The following FBXO4 variants were observed in gnomAD, a reference collection of about 807,000 sequenced individuals.
FBXO4 encodes the protein F-box only protein 4.
In FBXO4, 36 loss-of-function variants were observed where a neutral mutation model predicts 43.7. That is an observed-to-expected ratio of 0.82 (90% confidence interval 0.63 to 1.09). The LOEUF (loss-of-function observed/expected upper bound fraction) is 1.09. FBXO4 is among the 50% of genes least tolerant of loss of function. The pLI is 0.00. For missense variants in FBXO4, 435 were observed against 474.1 expected (o/e 0.92, Z 0.77); for synonymous variants, 180 against 165.6 (o/e 1.09, Z -0.67).
the FBXO4 span, among the ~76,000 whole-genome samples, chr5:42,040,057 G>A: frequency 6.6e-5 from 10 of 152,108 alleles, no homozygotes; most frequent in Non-Finnish European, 1.3e-4. Flanking sequence ...CCTGAGCACA[G>A]CACACATTGA....
At chr5:41,953,203 G>A in the FBXO4 span, among the ~76,000 whole-genome samples, 24 of 150,186 alleles carry the variant, frequency 1.6e-4, no homozygotes, top group Middle Eastern at 6.8e-3. Flanking sequence ...GTGTCCATGT[G>A]TTCTCATTGT....
At chr5:42,000,597 A>G in the FBXO4 span, among the ~76,000 whole-genome samples, 5 of 152,272 alleles carry the variant, frequency 3.3e-5, no homozygotes, top group East Asian at 9.6e-4. Flanking sequence ...GATGCAATCT[A>G]ATTTTCCTGT....
intron 3 of FBXO4, 150 bp downstream of exon 3, chr5:41,930,067 A>T (rs1166743558): frequency 3.3e-6 from 2 of 601,220 alleles, no homozygotes; most frequent in Non-Finnish European, 5.7e-6. Flanking sequence ...CACTGAACTG[A>T]CAGAATTAAT....
chr5:41,949,968 G>A, the FBXO4 span, among the ~76,000 whole-genome samples: 1 of 152,162 alleles, frequency 6.6e-6, no homozygotes, highest in African/African-American at 2.4e-5. Flanking sequence ...ATAGGGAAAG[G>A]ATTCCCTATT....
chr5:41,993,358 AGATAGTGTTTT>A, the FBXO4 span, among the ~76,000 whole-genome samples: 2 of 152,144 alleles, frequency 1.3e-5, no homozygotes, highest in Admixed American at 1.3e-4. Context: ...AAAGTGTAGA[AGATAGTGTTTT>A]GATATACAAA....
chr5:41,945,140 T>C (rs1387631216), downstream of FBXO4, among the ~76,000 whole-genome samples: 1 of 152,232 alleles, frequency 6.6e-6, no homozygotes, highest in Non-Finnish European at 1.5e-5. Context: ...ATTTCTAATT[T>C]ATGGTAGCAA....
Position 41,925,393 on chromosome 5 carries a change from C to A in FBXO4, c.84C>A (p.Leu28=). 1 of 1,385,466 alleles carries A rather than the reference C, an allele frequency of 7.2e-7. No homozygotes were observed. The highest frequency in any genetic ancestry group is 9.4e-7 in the Non-Finnish European group (1 of 1,065,434). 85.8% of individuals were successfully genotyped at this position (1,385,466 alleles called of 1,614,324 possible). A position where few individuals can be genotyped will look rare whatever the true frequency, so the allele number is the denominator to read the frequency against. ...SDWGRLEAAI[L]SGWKTFWQSV... The stretch of plus-strand genomic sequence containing the variant: ...GGGGCCGCCTGGAGGCGGCCATCCT[C>A]AGCGGCTGGAAGACCTTCTGGCAGT... Residue 28 remains leucine, a synonymous_variant, in exon 1 of 7, where the codon CTC becomes CTA. Coordinates refer to ENST00000281623, the MANE Select transcript of FBXO4 (RefSeq NM_012176.3).
At chr5:41,983,114 A>G in the FBXO4 span, among the ~76,000 whole-genome samples, 2 of 152,074 alleles carry the variant, frequency 1.3e-5, no homozygotes, top group Non-Finnish European at 2.9e-5. Context: ...TCTCCAGTCT[A>G]TCATTGATGG....
At chr5:42,005,845 C>G in the FBXO4 span, among the ~76,000 whole-genome samples, 1 of 151,988 alleles carries the variant, frequency 6.6e-6, no homozygotes, top group African/African-American at 2.4e-5. Flanking sequence ...CTTCTATCAC[C>G]CAAGCAAACT....
the FBXO4 span, among the ~76,000 whole-genome samples, chr5:41,947,362 G>A: frequency 6.6e-6 from 1 of 152,232 alleles, no homozygotes; most frequent in Non-Finnish European, 1.5e-5. Context: ...GCTGTTGTGA[G>A]AAATATACCA....
At position 41,941,530 on chromosome 5, in the gene FBXO4, T is replaced by G; in HGVS notation, c.*249T>G. ...AAACATTTTTTTGGTAATTTTTATA[T>G]TTTCTGTCTTTTTAAAAATATTAAA... On this transcript the variant is annotated 3_prime_UTR_variant, in exon 7 of 7. Coordinates refer to ENST00000281623, the MANE Select transcript of FBXO4 (RefSeq NM_012176.3). 1 of 231,546 alleles carries G rather than the reference T, an allele frequency of 4.3e-6. No individual in the cohort carries two copies. The highest frequency in any genetic ancestry group is 8.4e-6 in the Non-Finnish European group (1 of 118,660). The allele number at this position is 231,546 out of a possible 1,614,324, so 14.3% of individuals were successfully genotyped here. A position where few individuals can be genotyped will look rare whatever the true frequency, so the allele number is the denominator to read the frequency against.
chr5:41,960,611 A>G, the FBXO4 span, among the ~76,000 whole-genome samples: 2 of 151,988 alleles, frequency 1.3e-5, no homozygotes, highest in African/African-American at 2.4e-5. Context: ...AGATGATTAT[A>G]TGGTTTTTGT....
the FBXO4 span, among the ~76,000 whole-genome samples, chr5:42,005,798 G>A: frequency 1.4e-4 from 21 of 152,102 alleles, no homozygotes; most frequent in African/African-American, 3.9e-4. Context: ...TTTAAAAGAA[G>A]CCACAGTGGT....
chr5:41,997,171 C>G, the FBXO4 span, among the ~76,000 whole-genome samples: 1 of 152,198 alleles, frequency 6.6e-6, no homozygotes, highest in African/African-American at 2.4e-5. Flanking sequence ...TACCAGCTAC[C>G]AGGAGATGTG....
chr5:41,927,126 C>T lies in FBXO4; in HGVS notation c.303C>T (p.Tyr101=). Residue 101 remains tyrosine (Y), a synonymous_variant, in exon 2 of 7, where the codon TAC becomes TAT. Coordinates refer to ENST00000281623, the MANE Select transcript of FBXO4 (RefSeq NM_012176.3). The part of the protein sequence containing the change: ...ETVRDPILWR[Y]FLLRDLPSWS... ...TAAGAGATCCAATTCTGTGGAGATA[C>T]TTTTTGTTGAGGGATCTTCCTTCTT... is the stretch of plus-strand genomic sequence containing the variant. 1.2e-6 allele frequency: 2 copies of T among 1,613,680 alleles called. No homozygotes were observed. Among genetic ancestry groups the T allele is most frequent in the Non-Finnish European group, 1.7e-6 (2 of 1,179,792 alleles).
At chr5:41,983,370 G>A in the FBXO4 span, among the ~76,000 whole-genome samples, 12 of 152,140 alleles carry the variant, frequency 7.9e-5, 3 homozygotes, top group African/African-American at 2.9e-4. Context: ...GGGTTATTAT[G>A]CACTTCTAAT....
At chr5:42,021,122 C>T in the FBXO4 span, among the ~76,000 whole-genome samples, 1 of 152,094 alleles carries the variant, frequency 6.6e-6, no homozygotes, top group Admixed American at 6.6e-5. Context: ...AAACAGAAAA[C>T]GATTAGGATC....
chr5:42,026,662 G>A, the FBXO4 span, among the ~76,000 whole-genome samples: 10 of 151,728 alleles, frequency 6.6e-5, no homozygotes, highest in South Asian at 2.1e-4. Flanking sequence ...AAGGATTTCC[G>A]TTTTTCCCCA....
At chr5:41,978,245 G>A in the FBXO4 span, among the ~76,000 whole-genome samples, 93 of 152,108 alleles carry the variant, frequency 6.1e-4, no homozygotes, top group South Asian at 7.0e-3. Flanking sequence ...AAGGGATGGC[G>A]TAAAACCATT....
Sources: allele counts gnomAD v4.1 joint callset (sites outside exome capture counted in the v4.1 genomes callset), GRCh38; gene constraint gnomAD v4.1.1; transcripts MANE v1.5; gene names NCBI Gene and HGNC (gene_info 2026-07-23, HGNC 2026-07-21).